The following CEP120 variants were observed in gnomAD, a reference collection of about 807,000 sequenced individuals.
CEP120 encodes centrosomal protein of 120 kDa.
Under a neutral mutation model 126.5 loss-of-function variants are expected in CEP120, and 113 were observed. The ratio of observed to expected loss-of-function variants is 0.89; its 90% confidence interval spans 0.77 to 1.04. The LOEUF (loss-of-function observed/expected upper bound fraction) is 1.04. CEP120 is among the 50% of genes least tolerant of loss of function. The pLI, the probability that CEP120 is intolerant of heterozygous loss-of-function variation, is 0.00. For synonymous variants in CEP120, 400 were observed against 394.3 expected (o/e 1.01, Z -0.17); for missense variants, 1,230 against 1,155.7 (o/e 1.06, Z -0.93).
intron 4 of CEP120, chr5:123,402,041 C>G: frequency 8.7e-6 from 14 of 1,600,786 alleles, no homozygotes; most frequent in Non-Finnish European, 1.2e-5. Flanking sequence ...AGGAGGCAAA[C>G]TTGTTGTTGA....
intron 18 of CEP120, among the ~76,000 whole-genome samples, chr5:123,350,831 C>A (rs1247385589): frequency 1.3e-5 from 2 of 152,154 alleles, no homozygotes; most frequent in African/African-American, 4.8e-5. Flanking sequence ...TAGATAAAGT[C>A]TTTTAAAATA....
chr5:123,413,418 G>A (rs567120078), intron 3 of CEP120, among the ~76,000 whole-genome samples: 2 of 152,106 alleles, frequency 1.3e-5, no homozygotes, highest in East Asian at 1.9e-4. Context: ...ACTGATACTC[G>A]AACAAAAGCC....
rs781639162 is a variant in CEP120 at position 123,377,469 on chromosome 5, T to G, written c.2263A>C (p.Ile755Leu). The change falls in exon 16 of 20, where the codon ATC becomes CTC. Residue 755 changes from isoleucine to leucine, a missense_variant. By Grantham distance (5) the Ile-to-Leu change is conservative (BLOSUM62 2). Transcript: ENST00000306467. Reference protein sequence around the residue: ...QRNLQELQDSIRRAKEDCIHQ... With the variant: ...QRNLQELQDSLRRAKEDCIHQ... The stretch of plus-strand genomic sequence containing the variant: ...ATACAGTCCTCTTTGGCCCTACGGA[T>G]AGAGTCCTGCAGTTCTTGCAGGTTC... The G allele has an allele frequency of 2.5e-6, 4 of 1,610,860 alleles. No individual in the cohort carries two copies. The highest frequency in any genetic ancestry group is 1.7e-5 in the Admixed American group (1 of 58,942).
In CEP120 at chr5:123,403,482, A is replaced by G. The variant is rs1462189773; in HGVS notation, c.464-4198T>C. On this transcript the variant is annotated intron_variant, in intron 4 of 19. Coordinates refer to ENST00000306467, the MANE Select transcript of CEP120 (RefSeq NM_001375405.1). ...TTGTAAAACACTAAATAAAAAGAGA[A>G]AACTGTAAATTCACACTGATATAAA... The G allele has an allele frequency of 3.2e-5, 11 of 342,852 alleles. No individual in the cohort carries two copies. In the Admixed American group the frequency reaches 4.9e-4, roughly 15 times the overall value. The allele number at this position is 342,852 out of a possible 1,614,324, so 21.2% of individuals were successfully genotyped here.
chr5:123,418,862 C>A (rs1016602720), intron 1 of CEP120, among the ~76,000 whole-genome samples: 2 of 152,248 alleles, frequency 1.3e-5, no homozygotes. Flanking sequence ...GGATTACAGG[C>A]ATGAGCCACC....
At chr5:123,397,062 G>T (rs1374770204) in intron 5 of CEP120, among the ~76,000 whole-genome samples, 1 of 152,066 alleles carries the variant, frequency 6.6e-6, no homozygotes, top group Admixed American at 6.5e-5. Context: ...GGTGGCTCAT[G>T]ACTGTAATCC....
intron 4 of CEP120, among the ~76,000 whole-genome samples, chr5:123,408,741 T>G (rs910261129): frequency 6.6e-6 from 1 of 152,132 alleles, no homozygotes; most frequent in Admixed American, 6.5e-5. Context: ...GACAGAAACA[T>G]AGAGAATACT....
At chr5:123,407,876 A>C (rs531446610) in intron 4 of CEP120, among the ~76,000 whole-genome samples, 11 of 152,320 alleles carry the variant, frequency 7.2e-5, no homozygotes, top group Non-Finnish European at 1.3e-4. Flanking sequence ...CAGGCTACAT[A>C]AACTAGAAAT....
At chr5:123,399,006 G>C (rs1772991340) in intron 5 of CEP120, 130 bp downstream of exon 5, 2 of 593,444 alleles carry the variant, frequency 3.4e-6, no homozygotes, top group Non-Finnish European at 5.5e-6. Context: ...AAGAAAACAT[G>C]TTTTGAACTC....
At position 123,416,051 on chromosome 5, in the gene CEP120, A is replaced by T. The variant is rs777235472; in HGVS notation, c.280T>A (p.Tyr94Asn). The change falls in exon 3 of 20, where the codon TAC becomes AAC. Residue 94 changes from tyrosine to asparagine, a missense_variant. By Grantham distance (143) the Tyr-to-Asn change is moderately radical (BLOSUM62 -2). Transcript: ENST00000306467. ...GCGGTTCTTAAATCCAGAACGATGTAACCTATGGTTTCCTTGGCTGAAGTT... is the reference window on the plus strand; with the variant it reads ...GCGGTTCTTAAATCCAGAACGATGTTACCTATGGTTTCCTTGGCTGAAGTT... ...PVTSAKETIG[Y>N]IVLDLRTAQE... The T allele has an allele frequency of 7.4e-5, 120 of 1,613,976 alleles. No individual in the cohort carries two copies. In the Admixed American group the frequency reaches 2.0e-3, roughly 27 times the overall value.
Position 123,399,167 on chromosome 5 carries a change from A to G in CEP120, c.581T>C (p.Val194Ala), listed in dbSNP as rs1554104276. The G allele has an allele frequency of 6.2e-7, 1 of 1,613,142 alleles. No individual in the cohort carries two copies. The highest frequency in any genetic ancestry group is 1.1e-5 in the South Asian group (1 of 90,880). Reference sequence around the variant, plus strand: ...CAACTGGGTAGCAAATGCTATGGTCACTGACATAATAAAGGAGTCAGTACA... The same window carrying G: ...CAACTGGGTAGCAAATGCTATGGTCGCTGACATAATAAAGGAGTCAGTACA... ...EYCTDSFIMS[V>A]TIAFATQLEQ... Residue 194 changes from valine to alanine, a missense_variant, in exon 5 of 20, where the codon GTG (valine) becomes GCG (alanine). Transcript: ENST00000306467.
At chr5:123,370,471 C>CTTTGTT (rs1424223026) in intron 17 of CEP120, among the ~76,000 whole-genome samples, 1 of 151,348 alleles carries the variant, frequency 6.6e-6, no homozygotes, top group African/African-American at 2.4e-5. Flanking sequence ...CCTAATGCTA[C>CTTTGTT]TTTGTTTTTG....
rs1435319866 is a variant in CEP120 at position 123,412,187 on chromosome 5, T to A, written c.463+212A>T. Among the ~76,000 whole-genome samples the A allele has an allele frequency of 2.6e-5, 4 of 152,196 alleles. No individual in the cohort carries two copies. In the East Asian group the frequency reaches 7.7e-4, roughly 29 times the overall value. ...CTATACAAAATTGTGCTTTGTTCTA[T>A]TACATACCAAATAAAGAATAAATTT... On this transcript the variant is annotated intron_variant, in intron 4 of 19. Transcript: ENST00000306467.
Position 123,372,679 on chromosome 5 carries a change from A to C in CEP120, c.2452T>G (p.Ser818Ala). Reference protein sequence around the residue: ...QNNKPEIRLQSEINLLTLEKV... With the variant: ...QNNKPEIRLQAEINLLTLEKV... The stretch of plus-strand genomic sequence containing the variant: ...TCCAAGGTGAGAAGATTTATTTCAG[A>C]CTGTAGACGGATTTCTGGTTTGTTG... Residue 818 changes from serine to alanine, a missense_variant, in exon 17 of 20, where the codon TCT becomes GCT. Transcript: ENST00000306467. The C allele has an allele frequency of 6.2e-6, 10 of 1,612,330 alleles. No individual in the cohort carries two copies. Among genetic ancestry groups the C allele is most frequent in the Non-Finnish European group, 8.5e-6 (10 of 1,179,046 alleles).
At chr5:123,350,232 C>T (rs1027379869) in intron 18 of CEP120, 143 bp from the exon 19 acceptor site, 11 of 753,536 alleles carry the variant, frequency 1.5e-5, no homozygotes, top group Admixed American at 3.0e-5. Flanking sequence ...TTAACAGAGT[C>T]TCACTGTGTT....
intron 5 of CEP120, among the ~76,000 whole-genome samples, chr5:123,393,892 G>A (rs920502821): frequency 1.5e-4 from 23 of 152,278 alleles, no homozygotes; most frequent in African/African-American, 5.3e-4. Flanking sequence ...AATGAGGAAA[G>A]GTTTTAAAGA....
chr5:123,391,214 C>T lies in CEP120; in HGVS notation c.934G>A (p.Asp312Asn). 1.2e-6 allele frequency: 2 copies of T among 1,614,088 alleles called. No individual in the cohort carries two copies. The highest frequency in any genetic ancestry group is 1.7e-6 in the Non-Finnish European group (2 of 1,180,018). Residue 312 changes from aspartate (D) to asparagine (N), a missense_variant, in exon 7 of 20, where the codon GAC becomes AAC. Asp to Asn is a conservative substitution (Grantham distance 23, BLOSUM62 1). Transcript: ENST00000306467. Reference sequence around the variant, plus strand: ...TTCTGTTTGGCTCTGTTTGGAGGGTCAAGGGTAAAAGCACCTTCGACTGTG... The same window carrying T: ...TTCTGTTTGGCTCTGTTTGGAGGGTTAAGGGTAAAAGCACCTTCGACTGTG... ...PVTVEGAFTL[D>N]PPNRAKQKLA...
intron 5 of CEP120, among the ~76,000 whole-genome samples, chr5:123,396,646 A>G (rs1175408087): frequency 6.6e-6 from 1 of 152,226 alleles, no homozygotes; most frequent in African/African-American, 2.4e-5. Context: ...GGTAACTATC[A>G]CGACTACATA....
At chr5:123,386,135 A>C (rs1399974966) in intron 10 of CEP120, among the ~76,000 whole-genome samples, 1 of 152,172 alleles carries the variant, frequency 6.6e-6, no homozygotes, top group East Asian at 1.9e-4. Flanking sequence ...AAAACAGAAA[A>C]AGCAAATTTT....
Sources: allele counts gnomAD v4.1 joint callset (sites outside exome capture counted in the v4.1 genomes callset), GRCh38; gene constraint gnomAD v4.1.1; transcripts MANE v1.5; gene names NCBI Gene and HGNC (gene_info 2026-07-23, HGNC 2026-07-21).